GDAP2: variants seen among roughly 807,000 people sequenced by gnomAD.
GDAP2 encodes ganglioside induced differentiation associated protein 2.
GDAP2 carries 51 observed loss-of-function variants against 67.0 expected under a neutral mutation model. That is an observed-to-expected ratio of 0.76 (90% CI 0.61 to 0.96). GDAP2 has a LOEUF of 0.96. Among genes scored for constraint, GDAP2 ranks in the 40% least tolerant of loss-of-function variants. The probability of loss-of-function intolerance (pLI) is 0.00; values close to 1 mark genes in which losing one functional copy is unlikely to be tolerated. For missense variants in GDAP2, 547 were observed against 588.3 expected (o/e 0.93, Z 0.73); for synonymous variants, 203 against 207.3 (o/e 0.98, Z 0.18).
At chr1:117,925,503 G>GA (rs1169490481) in intron 1 of GDAP2, among the ~76,000 whole-genome samples, 1 of 151,952 alleles carries the variant, frequency 6.6e-6, no homozygotes, top group African/African-American at 2.4e-5. Flanking sequence ...TAAGGGGGAG[G>GA]AAAAAATTCC....
At chr1:117,881,627 A>G (rs1648648685) in intron 12 of GDAP2, among the ~76,000 whole-genome samples, 196 bp downstream of exon 12, 1 of 152,192 alleles carries the variant, frequency 6.6e-6, no homozygotes, top group Admixed American at 6.6e-5. Context: ...CTAACGGCTT[A>G]TAAGGGTTGC....
At chr1:117,896,298 G>A (rs1347757059) in intron 8 of GDAP2, among the ~76,000 whole-genome samples, 5 of 152,066 alleles carry the variant, frequency 3.3e-5, no homozygotes, top group Non-Finnish European at 7.4e-5. Context: ...TGATCTTTGG[G>A]AAAGCTTACC....
At chr1:117,924,370 G>A (rs1299666280) in intron 1 of GDAP2, among the ~76,000 whole-genome samples, 2 of 152,190 alleles carry the variant, frequency 1.3e-5, no homozygotes, top group African/African-American at 4.8e-5. Flanking sequence ...ACTTATAAGT[G>A]AGACCATAGG....
Position 117,888,868 on chromosome 1 carries a change from A to G in GDAP2, c.954-1094T>C, listed in dbSNP as rs542002317. On this transcript the variant is annotated intron_variant, in intron 8 of 13. Coordinates refer to ENST00000369443, the MANE Select transcript of GDAP2 (RefSeq NM_017686.4). The stretch of plus-strand genomic sequence containing the variant: ...GGACACCTTTCAGCTATAAAGTACA[A>G]TTGCACAACTGAAAATATTTAATGG... Among the ~76,000 whole-genome samples, 12 of 152,288 alleles carry G rather than the reference A, an allele frequency of 7.9e-5. No homozygotes were observed. The Middle Eastern group carries it at 0.01, about 129-fold the overall frequency.
At chr1:117,889,905 T>C (rs959193928) in intron 8 of GDAP2, among the ~76,000 whole-genome samples, 3 of 152,122 alleles carry the variant, frequency 2.0e-5, no homozygotes, top group South Asian at 2.1e-4. Context: ...CATGTATCCA[T>C]TGGCTCATTT....
At chr1:117,927,423 G>T (rs745967247) in intron 1 of GDAP2, among the ~76,000 whole-genome samples, 1 of 152,058 alleles carries the variant, frequency 6.6e-6, no homozygotes, top group Non-Finnish European at 1.5e-5. Flanking sequence ...AGAGAAAAAT[G>T]GTAACTTTTA....
At chr1:117,919,962 T>C (rs561665751) in intron 2 of GDAP2, among the ~76,000 whole-genome samples, 2 of 152,318 alleles carry the variant, frequency 1.3e-5, no homozygotes, top group South Asian at 2.1e-4. Flanking sequence ...ATATTCACTA[T>C]CTTGACTGTG....
intron 8 of GDAP2, among the ~76,000 whole-genome samples, chr1:117,893,887 CAG>C (rs1450790578): frequency 6.6e-6 from 1 of 151,990 alleles, no homozygotes; most frequent in African/African-American, 2.4e-5. Flanking sequence ...GAAATAAAAA[CAG>C]AGAAATTTAA....
chr1:117,891,942 T>G (rs10489594), intron 8 of GDAP2, among the ~76,000 whole-genome samples: 3,108 of 152,270 alleles, frequency 0.02, 59 homozygotes, highest in South Asian at 0.092. Context: ...GTTTAAACCT[T>G]GATTGATGAT....
chr1:117,875,344 C>T (rs1346538834), intron 13 of GDAP2, among the ~76,000 whole-genome samples: 1 of 152,220 alleles, frequency 6.6e-6, no homozygotes, highest in Non-Finnish European at 1.5e-5. Flanking sequence ...CTGGAGGGTG[C>T]AAGCTATAAG....
At chr1:117,912,448 A>G in intron 4 of GDAP2, 82 bp downstream of exon 4, 2 of 1,253,552 alleles carry the variant, frequency 1.6e-6, no homozygotes. Context: ...TTTAATCTTT[A>G]AAAACTGGGG....
intron 13 of GDAP2, 67 bp from the exon 14 acceptor site, chr1:117,870,683 A>C: frequency 9.2e-7 from 1 of 1,087,816 alleles, no homozygotes; most frequent in Non-Finnish European, 1.4e-6. Flanking sequence ...ATGTGAAAAA[A>C]AGGGATTTAC....
rs1237894587 is a variant in GDAP2 at position 117,906,485 on chromosome 1, AC to A, written c.636+20del. 7.8e-7 allele frequency: 1 copy of A among 1,274,210 alleles called. No homozygotes were observed. Among genetic ancestry groups the A allele is most frequent in the Non-Finnish European group, 1.1e-6 (1 of 885,704 alleles). The allele number at this position is 1,274,210 out of a possible 1,614,324, so 78.9% of individuals were successfully genotyped here. Reference sequence around the variant, plus strand: ...TAAAGATAGAAATAAGATTTAAATAACGTAACAGTTAGCAAAATACCTCTTC... The same window carrying A: ...TAAAGATAGAAATAAGATTTAAATAAGTAACAGTTAGCAAAATACCTCTTC... On this transcript the variant is annotated intron_variant, in intron 6 of 13. Coordinates refer to ENST00000369443, the MANE Select transcript of GDAP2 (RefSeq NM_017686.4).
chr1:117,872,625 G>A (rs1648329266), intron 13 of GDAP2, among the ~76,000 whole-genome samples: 1 of 146,390 alleles, frequency 6.8e-6, no homozygotes, highest in Non-Finnish European at 1.5e-5. Context: ...TCACTTACAA[G>A]TAGGAGCTGA....
chr1:117,919,541 C>A (rs1295698032), intron 2 of GDAP2, among the ~76,000 whole-genome samples: 1 of 151,682 alleles, frequency 6.6e-6, no homozygotes, highest in Non-Finnish European at 1.5e-5. Flanking sequence ...AGTGGTTGCC[C>A]AGAGGGATTA....
chr1:117,922,190 T>C (rs573547754), intron 1 of GDAP2, among the ~76,000 whole-genome samples: 11 of 152,272 alleles, frequency 7.2e-5, no homozygotes, highest in South Asian at 6.2e-4. Flanking sequence ...ATTCTCAGCA[T>C]ATGGATGGTA....
intron 3 of GDAP2, among the ~76,000 whole-genome samples, chr1:117,914,103 C>T (rs1002212917): frequency 6.6e-6 from 1 of 152,126 alleles, no homozygotes; most frequent in African/African-American, 2.4e-5. Context: ...CTTAGACACC[C>T]ATGTGTACAA....
At chr1:117,904,947 T>G (rs755222361) in intron 6 of GDAP2, among the ~76,000 whole-genome samples, 4 of 152,198 alleles carry the variant, frequency 2.6e-5, no homozygotes, top group Non-Finnish European at 4.4e-5. Context: ...CACTTTCTAT[T>G]TGCTATCTCA....
intron 12 of GDAP2, among the ~76,000 whole-genome samples, chr1:117,880,068 C>T (rs1329983619): frequency 1.3e-5 from 2 of 152,094 alleles, no homozygotes; most frequent in East Asian, 3.9e-4. Context: ...GTCTGCAGTC[C>T]TAGCTATTCT....
Sources: gnomAD v4.1 joint callset for allele counts (sites outside exome capture counted in the v4.1 genomes callset) on GRCh38, gnomAD v4.1.1 for gene constraint, MANE v1.5 for transcripts, NCBI Gene and HGNC (gene_info 2026-07-23, HGNC 2026-07-21) for gene names.